The following NTRK3 variants were observed in gnomAD, a reference collection of about 807,000 sequenced individuals.
NTRK3 encodes NT-3 growth factor receptor.
NTRK3 carries 24 observed loss-of-function variants against 91.7 expected under a neutral mutation model. The ratio of observed to expected loss-of-function variants is 0.26; its 90% CI spans 0.19 to 0.37. NTRK3 has a LOEUF of 0.37. NTRK3 is among the 10% of genes least tolerant of loss of function. The probability of loss-of-function intolerance (pLI) is 1.00; values close to 1 mark genes in which losing one functional copy is unlikely to be tolerated. For synonymous variants in NTRK3, 483 were observed against 404.0 expected (o/e 1.20, Z -2.34); for missense variants, 880 against 1,068.9 (o/e 0.82, Z 2.46).
At chr15:87,953,023 C>T (rs1294767259) in intron 14 of NTRK3, among the ~76,000 whole-genome samples, 3 of 152,198 alleles carry the variant, frequency 2.0e-5, no homozygotes, top group Non-Finnish European at 4.4e-5. Flanking sequence ...GATCCTGGAT[C>T]CATGCTTCCC....
intron 15 of NTRK3, among the ~76,000 whole-genome samples, chr15:87,940,372 C>T (rs950866535): frequency 2.0e-5 from 3 of 152,164 alleles, no homozygotes; most frequent in African/African-American, 7.2e-5. Context: ...TAAAAAAGGA[C>T]CAGGGTCATT....
At chr15:87,945,735 T>C (rs373522409) in intron 14 of NTRK3, among the ~76,000 whole-genome samples, 11 of 147,020 alleles carry the variant, frequency 7.5e-5, no homozygotes, top group Admixed American at 2.1e-4. Context: ...TGCTCAGCCC[T>C]GCGACCAGGG....
At chr15:88,068,107 CA>C (rs2046810422) in intron 13 of NTRK3, among the ~76,000 whole-genome samples, 1 of 151,936 alleles carries the variant, frequency 6.6e-6, no homozygotes, top group South Asian at 2.1e-4. Context: ...TTAAGTGATA[CA>C]AGAAAGAAAA....
intron 3 of NTRK3, among the ~76,000 whole-genome samples, chr15:88,250,629 AC>A (rs374554901): frequency 8.1e-4 from 123 of 151,624 alleles, no homozygotes; most frequent in African/African-American, 2.9e-3. Flanking sequence ...CATTAACCAT[AC>A]CCCCCTATTA....
rs576496144 is a variant in NTRK3, at chr15:88,226,798, C to G, written c.248+29108G>C. Among the ~76,000 whole-genome samples, 32 of 152,334 alleles carry G rather than the reference C, an allele frequency of 2.1e-4. No individual in the cohort carries two copies. In the South Asian group the frequency reaches 6.4e-3, roughly 31 times the overall value. The stretch of plus-strand genomic sequence containing the variant: ...CTTGTAGAGAGCCCTTAGCATTGTA[C>G]CAGGCCAAGTGTTTTGCAGAAATTA... On this transcript the variant is annotated intron_variant, in intron 3 of 18. Transcript: ENST00000394480.
At chr15:87,952,498 C>T (rs1164105780) in intron 14 of NTRK3, among the ~76,000 whole-genome samples, 2 of 152,086 alleles carry the variant, frequency 1.3e-5, no homozygotes, top group African/African-American at 4.8e-5. Flanking sequence ...TGCGAACCCC[C>T]ACCTCCTCTC....
At chr15:88,083,061 TG>T (rs1283429957) in intron 13 of NTRK3, among the ~76,000 whole-genome samples, 1 of 152,212 alleles carries the variant, frequency 6.6e-6, no homozygotes, top group Non-Finnish European at 1.5e-5. Flanking sequence ...ATCATCCCTT[TG>T]GTGTCCTTAT....
rs150864408 is a variant in NTRK3, at chr15:88,119,523, G to A, written c.1396+6748C>T. On this transcript the variant is annotated intron_variant, in intron 13 of 18. Transcript: ENST00000394480. ...ATGCAAACATTTGTTAGGAGAATAC[G>A]AGGACCCTGGGATCACAACACAGGA... is the stretch of plus-strand genomic sequence containing the variant. Among the ~76,000 whole-genome samples, 398 of 152,270 alleles carry A rather than the reference G, an allele frequency of 2.6e-3. 3 individuals are homozygous for A. Among genetic ancestry groups the A allele is most frequent in the Admixed American group, 7.8e-3 (120 of 15,302 alleles).
At chr15:88,092,794 C>T (rs2049147914) in intron 13 of NTRK3, among the ~76,000 whole-genome samples, 1 of 152,202 alleles carries the variant, frequency 6.6e-6, no homozygotes. Flanking sequence ...CTCCAATCTT[C>T]AAGGCCAGCA....
At chr15:87,949,388 C>G (rs2070881981) in intron 14 of NTRK3, among the ~76,000 whole-genome samples, 1 of 152,092 alleles carries the variant, frequency 6.6e-6, no homozygotes, top group Admixed American at 6.6e-5. Context: ...GCTCAGCAAA[C>G]AGCAGGTCCC....
chr15:87,948,643 G>A (rs1251463508), intron 14 of NTRK3, among the ~76,000 whole-genome samples: 1 of 152,196 alleles, frequency 6.6e-6, no homozygotes, highest in East Asian at 1.9e-4. Context: ...AGCTGATATT[G>A]CGCCACTGCA....
At chr15:88,013,889 AAT>A (rs1453860980) in intron 14 of NTRK3, among the ~76,000 whole-genome samples, 1 of 152,134 alleles carries the variant, frequency 6.6e-6, no homozygotes, top group Non-Finnish European at 1.5e-5. Flanking sequence ...GCAGTGAGCC[AAT>A]ATCACACCAC....
At position 87,891,917 on chromosome 15, in the gene NTRK3, G is replaced by C. The variant is rs934139387; in HGVS notation, c.2134-11489C>G. ...GATACAGTACAGTGTCCATGCAAGA[G>C]GTTTCAAACCAGAATATGCAGAACA... is the stretch of plus-strand genomic sequence containing the variant. On this transcript the variant is annotated intron_variant, in intron 17 of 18. Transcript: ENST00000394480. 3.9e-5 allele frequency among the ~76,000 whole-genome samples: 6 copies of C among 152,140 alleles called. No individual in the cohort carries two copies. The South Asian group carries it at 1.2e-3, about 32-fold the overall frequency.
intron 13 of NTRK3, among the ~76,000 whole-genome samples, chr15:88,061,438 G>A (rs887170015): frequency 3.3e-5 from 5 of 152,210 alleles, no homozygotes; most frequent in Admixed American, 2.6e-4. Flanking sequence ...ACAAGGTGTG[G>A]GGTGGGTCAG....
chr15:87,900,869 G>A (rs749799878), intron 17 of NTRK3, among the ~76,000 whole-genome samples: 19 of 152,120 alleles, frequency 1.2e-4, no homozygotes, highest in African/African-American at 3.9e-4. Flanking sequence ...GAAAGACTTC[G>A]ACTAGTTGAC....
intron 16 of NTRK3, among the ~76,000 whole-genome samples, chr15:87,930,517 A>G (rs2068699428): frequency 6.6e-6 from 1 of 152,160 alleles, no homozygotes; most frequent in African/African-American, 2.4e-5. Context: ...AGGCTGCATC[A>G]GCTCACAAGG....
At chr15:88,136,394 T>C (rs2041881116) in intron 8 of NTRK3, 73 bp downstream of exon 8, 1 of 1,601,572 alleles carries the variant, frequency 6.2e-7, no homozygotes, top group Non-Finnish European at 8.5e-7. Flanking sequence ...GACCGCAAAT[T>C]TTCCCTCTTC....
intron 14 of NTRK3, among the ~76,000 whole-genome samples, chr15:87,956,689 G>A (rs996447221): frequency 1.4e-4 from 22 of 151,776 alleles, no homozygotes; most frequent in African/African-American, 5.3e-4. Flanking sequence ...CCCCGCTTCA[G>A]CCTCCAGAAT....
chr15:87,957,849 T>G (rs1309978850), intron 14 of NTRK3, among the ~76,000 whole-genome samples: 2 of 152,174 alleles, frequency 1.3e-5, no homozygotes, highest in Non-Finnish European at 2.9e-5. Flanking sequence ...CATTAATTAG[T>G]CTGTGTAAAT....
Sources: gnomAD v4.1 joint callset for allele counts (sites outside exome capture counted in the v4.1 genomes callset) on GRCh38, gnomAD v4.1.1 for gene constraint, MANE v1.5 for transcripts, NCBI Gene and HGNC (gene_info 2026-07-23, HGNC 2026-07-21) for gene names.